LRMDA: variants seen among roughly 807,000 people sequenced by gnomAD.
The protein encoded by LRMDA is leucine-rich melanocyte differentiation-associated protein.
Under a neutral mutation model 29.8 loss-of-function variants are expected in LRMDA, and 18 were observed. That is an observed-to-expected ratio of 0.60 (90% confidence interval 0.42 to 0.90). LRMDA has a LOEUF of 0.90. LRMDA is among the 40% of genes least tolerant of loss of function. The probability of loss-of-function intolerance (pLI) is 0.00; values close to 1 mark genes in which losing one functional copy is unlikely to be tolerated. For synonymous variants in LRMDA, 125 were observed against 109.4 expected (o/e 1.14, Z -0.89); for missense variants, 273 against 273.9 (o/e 1.00, Z 0.02).
chr10:75,556,955 A>G (rs1840222187), intron 2 of LRMDA, among the ~76,000 whole-genome samples: 1 of 152,098 alleles, frequency 6.6e-6, no homozygotes, highest in South Asian at 2.1e-4. Flanking sequence ...CTAAAAAAAA[A>G]CTTCAAAAGA....
At chr10:75,616,638 A>G (rs1841106057) in intron 2 of LRMDA, among the ~76,000 whole-genome samples, 1 of 152,190 alleles carries the variant, frequency 6.6e-6, no homozygotes, top group Non-Finnish European at 1.5e-5. Flanking sequence ...ATGTTTGACT[A>G]TTTTCTGATA....
chr10:75,640,783 AC>A (rs1437407200), intron 2 of LRMDA, among the ~76,000 whole-genome samples: 12 of 150,398 alleles, frequency 8.0e-5, no homozygotes, highest in African/African-American at 1.2e-4. Context: ...TTTTTTTTAA[AC>A]AAAACAAAAC....
At chr10:75,975,462 T>G (rs570633879) in intron 2 of LRMDA, among the ~76,000 whole-genome samples, 1 of 152,326 alleles carries the variant, frequency 6.6e-6, no homozygotes, top group African/African-American at 2.4e-5. Context: ...GTGACTTTCC[T>G]TGTTTCTTTG....
chr10:75,468,897 G>A (rs550784523), intron 2 of LRMDA, among the ~76,000 whole-genome samples: 4 of 152,192 alleles, frequency 2.6e-5, no homozygotes, highest in Admixed American at 2.0e-4. Flanking sequence ...AAAAGTGCTC[G>A]CTATACATTC....
chr10:75,524,303 T>C (rs1450891214), intron 2 of LRMDA, among the ~76,000 whole-genome samples: 1 of 152,198 alleles, frequency 6.6e-6, no homozygotes, highest in Non-Finnish European at 1.5e-5. Flanking sequence ...GAGTGGATTG[T>C]GGAGACAGAC....
chr10:76,018,567 G>GT (rs765340066), intron 2 of LRMDA, among the ~76,000 whole-genome samples: 4,343 of 131,918 alleles, frequency 0.033, 235 homozygotes, highest in African/African-American at 0.1. Context: ...GGCTTCTGAA[G>GT]TTTTTTTTTT....
At position 75,709,179 on chromosome 10, in the gene LRMDA, A is replaced by AT. The variant is rs550352712; in HGVS notation, c.131+270693dup. Among the ~76,000 whole-genome samples, 9 of 152,142 alleles carry AT rather than the reference A, an allele frequency of 5.9e-5. No individual in the cohort carries two copies. In the South Asian group the frequency reaches 1.0e-3, roughly 18 times the overall value. On this transcript the variant is annotated intron_variant, in intron 2 of 6. Transcript: ENST00000611255. ...AATGTTTTCAAAACTAAGCACCTTAATTTTTTTTATTAAAAAAAGGTTTTC... is the reference window on the plus strand; with the variant it reads ...AATGTTTTCAAAACTAAGCACCTTAATTTTTTTTTATTAAAAAAAGGTTTTC...
intron 2 of LRMDA, among the ~76,000 whole-genome samples, 183 bp from the exon 3 acceptor site, chr10:76,035,825 C>A (rs1057089758): frequency 2.0e-5 from 3 of 152,150 alleles, no homozygotes; most frequent in African/African-American, 7.2e-5. Flanking sequence ...GCCAGCGGCC[C>A]CTTCTCCCCC....
chr10:75,936,037 A>G (rs556674415), intron 2 of LRMDA, among the ~76,000 whole-genome samples: 5 of 152,168 alleles, frequency 3.3e-5, no homozygotes, highest in Non-Finnish European at 5.9e-5. Flanking sequence ...AAGACTGATT[A>G]TAAGTGAGAG....
chr10:76,196,984 C>G (rs188407859), intron 5 of LRMDA, among the ~76,000 whole-genome samples: 13 of 152,114 alleles, frequency 8.5e-5, no homozygotes, highest in Non-Finnish European at 1.6e-4. Flanking sequence ...TTTTAATATC[C>G]AGTCAGCTGT....
At chr10:75,801,526 A>G (rs1438496012) in intron 2 of LRMDA, among the ~76,000 whole-genome samples, 2 of 152,148 alleles carry the variant, frequency 1.3e-5, no homozygotes. Flanking sequence ...TTAGTTGTTT[A>G]TATTTTTCCA....
intron 5 of LRMDA, among the ~76,000 whole-genome samples, chr10:76,146,147 C>G (rs1027083899): frequency 2.0e-5 from 3 of 152,242 alleles, no homozygotes; most frequent in Non-Finnish European, 2.9e-5. Flanking sequence ...TGGTGTGGTG[C>G]TGAAAAGAAT....
intron 5 of LRMDA, among the ~76,000 whole-genome samples, chr10:76,204,614 G>A (rs897545030): frequency 6.6e-6 from 1 of 152,038 alleles, no homozygotes; most frequent in Non-Finnish European, 1.5e-5. Flanking sequence ...GGAAAATTAC[G>A]ACTAATCCCC....
intron 6 of LRMDA, among the ~76,000 whole-genome samples, chr10:76,510,413 C>CG (rs1564562504): frequency 6.6e-6 from 1 of 151,564 alleles, no homozygotes; most frequent in African/African-American, 2.4e-5. Flanking sequence ...CTGTGGCATG[C>CG]TTTTTTTTGG....
At chr10:76,414,024 T>A (rs1316637521) in intron 6 of LRMDA, among the ~76,000 whole-genome samples, 1 of 152,190 alleles carries the variant, frequency 6.6e-6, no homozygotes, top group Non-Finnish European at 1.5e-5. Flanking sequence ...AGAGGCAGAA[T>A]GTAGACTTCA....
chr10:75,738,569 T>C (rs1842793127), intron 2 of LRMDA, among the ~76,000 whole-genome samples: 1 of 152,194 alleles, frequency 6.6e-6, no homozygotes, highest in Non-Finnish European at 1.5e-5. Context: ...TGATAAATAA[T>C]CAATGACCAA....
At chr10:75,456,908 T>C (rs1844524102) in intron 2 of LRMDA, among the ~76,000 whole-genome samples, 1 of 152,166 alleles carries the variant, frequency 6.6e-6, no homozygotes, top group African/African-American at 2.4e-5. Context: ...ATTCCTGACC[T>C]CAGGCAATCC....
At position 75,754,473 on chromosome 10, in the gene LRMDA, A is replaced by G. The variant is rs371326376; in HGVS notation, c.132-281535A>G. On this transcript the variant is annotated intron_variant, in intron 2 of 6. Coordinates refer to ENST00000611255, the MANE Select transcript of LRMDA (RefSeq NM_001305581.2). ...TATAATACAAGTTGCATTACAATAAATTCAGTCAGTTCAAATGTTTTTCAT... is the reference window on the plus strand; with the variant it reads ...TATAATACAAGTTGCATTACAATAAGTTCAGTCAGTTCAAATGTTTTTCAT... Among the ~76,000 whole-genome samples the G allele has an allele frequency of 3.3e-5, 5 of 152,228 alleles. No homozygotes were observed. The East Asian group carries it at 5.8e-4, about 18-fold the overall frequency.
At chr10:75,881,929 G>A (rs755131329) in intron 2 of LRMDA, among the ~76,000 whole-genome samples, 2 of 152,228 alleles carry the variant, frequency 1.3e-5, no homozygotes, top group African/African-American at 2.4e-5. Flanking sequence ...AGGGGCTAAG[G>A]TTTCAGAAAA....
Sources: allele counts gnomAD v4.1 joint callset (sites outside exome capture counted in the v4.1 genomes callset), GRCh38; gene constraint gnomAD v4.1.1; transcripts MANE v1.5; gene names NCBI Gene and HGNC (gene_info 2026-07-23, HGNC 2026-07-21).